TLR2: variants seen among roughly 807,000 people sequenced by gnomAD.
The protein encoded by TLR2 is toll-like receptor 2.
In TLR2, 7 loss-of-function variants were observed where a neutral mutation model predicts 9.1. That is an observed-to-expected ratio of 0.77 (90% CI 0.44 to 1.44). The LOEUF (loss-of-function observed/expected upper bound fraction) is 1.44, where lower values mean the gene tolerates loss of function less well. TLR2 is among the 40% of genes most tolerant of loss of function. TLR2 has a pLI of 0.01. For synonymous variants in TLR2, 317 were observed against 344.6 expected (o/e 0.92, Z 0.89); for missense variants, 812 against 904.6 (o/e 0.90, Z 1.31).
rs1560755431 is a variant in TLR2 at position 153,704,812 on chromosome 4, C to T, written c.1905C>T (p.Pro635=). 2 of 1,614,012 alleles carry T rather than the reference C, an allele frequency of 1.2e-6. No homozygotes were observed. Among genetic ancestry groups the T allele is most frequent in the Non-Finnish European group, 1.7e-6 (2 of 1,179,974 alleles). ...LQAKRKPRKA[P]SRNICYDAFV... Reference sequence around the variant, plus strand: ...CCAAAAGGAAGCCCAGGAAAGCTCCCAGCAGGAACATCTGCTATGATGCAT... The same window carrying T: ...CCAAAAGGAAGCCCAGGAAAGCTCCTAGCAGGAACATCTGCTATGATGCAT... The change falls in exon 3 of 3, where the codon CCC becomes CCT. Residue 635 remains proline (P), a synonymous_variant. Coordinates refer to ENST00000642700, the MANE Select transcript of TLR2 (RefSeq NM_001318789.2).
rs778888032 is a variant in TLR2 at position 153,704,073 on chromosome 4, T to C, written c.1166T>C (p.Leu389Pro). The C allele has an allele frequency of 8.7e-6, 14 of 1,614,166 alleles. No individual in the cohort carries two copies. The highest frequency in any genetic ancestry group is 1.2e-5 in the Non-Finnish European group (14 of 1,180,010). Reference protein sequence around the residue: ...NSACEDAWPSLQTLILRQNHL... With the variant: ...NSACEDAWPSPQTLILRQNHL... ...GCCTGTGAGGATGCCTGGCCCTCTC[T>C]ACAAACTTTAATTTTAAGGCAAAAT... The change falls in exon 3 of 3, where the codon CTA becomes CCA. Residue 389 changes from leucine (L) to proline (P), a missense_variant. By Grantham distance (98) the Leu-to-Pro change is moderately conservative (BLOSUM62 -3). Transcript: ENST00000642700.
At position 153,704,936 on chromosome 4, in the gene TLR2, C is replaced by T. The variant is rs121917864; in HGVS notation, c.2029C>T (p.Arg677Trp). Residue 677 changes from arginine (R) to tryptophan (W), a missense_variant, in exon 3 of 3, where the codon CGG becomes TGG. By Grantham distance (101) the Arg-to-Trp change is moderately radical (BLOSUM62 -3). Coordinates refer to ENST00000642700, the MANE Select transcript of TLR2 (RefSeq NM_001318789.2). ...CCCCTTCAAGTTGTGTCTTCATAAGCGGGACTTCATTCCTGGCAAGTGGAT... is the reference window on the plus strand; with the variant it reads ...CCCCTTCAAGTTGTGTCTTCATAAGTGGGACTTCATTCCTGGCAAGTGGAT... ...NPPFKLCLHK[R>W]DFIPGKWIID... 9.6e-5 allele frequency: 155 copies of T among 1,613,024 alleles called. No homozygotes were observed. Among genetic ancestry groups the T allele is most frequent in the Middle Eastern group, 1.9e-4 (1 of 5,210 alleles).
At chr4:153,701,165 A>T (rs532077651) in intron 2 of TLR2, among the ~76,000 whole-genome samples, 21 of 152,244 alleles carry the variant, frequency 1.4e-4, no homozygotes, top group African/African-American at 4.8e-4. Context: ...TCCAAAATTC[A>T]TATTGAAACT....
rs1188341075 is a variant in TLR2, at chr4:153,702,902, T to C, written c.-6T>C. On this transcript the variant is annotated 5_prime_UTR_variant, in exon 3 of 3. Coordinates refer to ENST00000642700, the MANE Select transcript of TLR2 (RefSeq NM_001318789.2). ...CTCTTTTATTTGTAGGTTGAAGCAC[T>C]GGACAATGCCACATACTTTGTGGAT... is the stretch of plus-strand genomic sequence containing the variant. The C allele has an allele frequency of 6.3e-7, 1 of 1,595,424 alleles. No individual in the cohort carries two copies. Among genetic ancestry groups the C allele is most frequent in the Non-Finnish European group, 8.5e-7 (1 of 1,169,898 alleles).
At chr4:153,698,242 C>A (rs1736642113) in intron 2 of TLR2, among the ~76,000 whole-genome samples, 2 of 152,190 alleles carry the variant, frequency 1.3e-5, no homozygotes, top group South Asian at 4.1e-4. Flanking sequence ...AACTGCCAAC[C>A]CAACATGAAG....
chr4:153,688,882 CTT>C (rs943285626), intron 2 of TLR2, among the ~76,000 whole-genome samples: 1 of 152,210 alleles, frequency 6.6e-6, no homozygotes, highest in Non-Finnish European at 1.5e-5. Context: ...ACATGTCCCC[CTT>C]TTTTGTTTTG....
intron 1 of TLR2, among the ~76,000 whole-genome samples, chr4:153,684,709 T>G (rs992630921): frequency 1.7e-4 from 26 of 152,260 alleles, no homozygotes; most frequent in African/African-American, 5.5e-4. Flanking sequence ...GGGCTGCGGC[T>G]GGGCTGAGCG....
intron 1 of TLR2, among the ~76,000 whole-genome samples, chr4:153,686,083 C>T (rs557381842): frequency 6.6e-6 from 1 of 152,308 alleles, no homozygotes; most frequent in South Asian, 2.1e-4. Context: ...CAATAAACTG[C>T]TCCCTTGGTG....
downstream of TLR2, among the ~76,000 whole-genome samples, chr4:153,706,939 G>T (rs1200057219): frequency 2.6e-5 from 4 of 152,200 alleles, no homozygotes; most frequent in Admixed American, 6.5e-5. Flanking sequence ...CTCTGGAGGG[G>T]TGTTGAGGGC....
chr4:153,699,609 G>T (rs1736742733), intron 2 of TLR2, among the ~76,000 whole-genome samples: 1 of 152,126 alleles, frequency 6.6e-6, no homozygotes, highest in Non-Finnish European at 1.5e-5. Context: ...ACTATCTGTT[G>T]GTTTGTAGTG....
chr4:153,698,110 T>C (rs1736631819), intron 2 of TLR2, among the ~76,000 whole-genome samples: 1 of 152,152 alleles, frequency 6.6e-6, no homozygotes, highest in Non-Finnish European at 1.5e-5. Flanking sequence ...TCGTAAAGTG[T>C]TCTTTTAAAA....
rs200441594 is a variant in TLR2 at position 153,704,047 on chromosome 4, A to G, written c.1140A>G (p.Ser380=). The G allele has an allele frequency of 1.3e-5, 21 of 1,614,158 alleles. No homozygotes were observed. The African/African-American group carries it at 2.5e-4, about 19-fold the overall frequency. Residue 380 remains serine, a synonymous_variant, in exon 3 of 3, where the codon TCA becomes TCG. Coordinates refer to ENST00000642700, the MANE Select transcript of TLR2 (RefSeq NM_001318789.2). The part of the protein sequence containing the change: ...NLMVEEYLKN[S]ACEDAWPSLQ... ...TGGTTGAAGAATACTTGAAAAATTC[A>G]GCCTGTGAGGATGCCTGGCCCTCTC...
At chr4:153,701,030 G>C (rs1736850649) in intron 2 of TLR2, among the ~76,000 whole-genome samples, 1 of 151,966 alleles carries the variant, frequency 6.6e-6, no homozygotes, top group African/African-American at 2.4e-5. Context: ...AAATAACAAA[G>C]AGAATATCTT....
chr4:153,689,808 G>A (rs1735977877), intron 2 of TLR2, among the ~76,000 whole-genome samples: 2 of 152,180 alleles, frequency 1.3e-5, no homozygotes, highest in African/African-American at 2.4e-5. Flanking sequence ...ATTACTCATT[G>A]TGACTGGTTG....
intron 2 of TLR2, among the ~76,000 whole-genome samples, chr4:153,689,237 A>G (rs1265864598): frequency 6.6e-6 from 1 of 152,204 alleles, no homozygotes; most frequent in East Asian, 1.9e-4. Flanking sequence ...TTTAAGAGCC[A>G]TTAATAGTTT....
rs142286429 is a variant in TLR2, at chr4:153,705,119, G to C, written c.2212G>C (p.Glu738Gln). 226 of 1,614,026 alleles carry C rather than the reference G, an allele frequency of 1.4e-4. No individual in the cohort carries two copies. In the African/African-American group the frequency reaches 2.7e-3, roughly 19 times the overall value. The change falls in exon 3 of 3, where the codon GAG becomes CAG. Residue 738 changes from glutamate (E) to glutamine (Q), a missense_variant. Physicochemically the swap from Glu to Gln is conservative, Grantham distance 29. Coordinates refer to ENST00000642700, the MANE Select transcript of TLR2 (RefSeq NM_001318789.2). The stretch of plus-strand genomic sequence containing the variant: ...TGATGCTGCCATTCTCATTCTTCTG[G>C]AGCCCATTGAGAAAAAAGCCATTCC... ...NNDAAILILL[E>Q]PIEKKAIPQR...
chr4:153,689,834 G>T (rs987667263), intron 2 of TLR2, among the ~76,000 whole-genome samples: 2 of 152,238 alleles, frequency 1.3e-5, no homozygotes, highest in Admixed American at 1.3e-4. Flanking sequence ...CTTTCCTCAG[G>T]TTTTCTTCCA....
chr4:153,686,864 A>G (rs1046190247), intron 1 of TLR2, among the ~76,000 whole-genome samples: 7 of 152,192 alleles, frequency 4.6e-5, no homozygotes, highest in Non-Finnish European at 7.4e-5. Flanking sequence ...TGTAGTTCAC[A>G]TAAGGAACCT....
At chr4:153,688,698 C>T (rs942683592) in intron 2 of TLR2, 15 of 159,560 alleles carry the variant, frequency 9.4e-5, no homozygotes, top group South Asian at 1.7e-4. Flanking sequence ...CTTAGGAACA[C>T]GTTAAGCGGT....
Sources: gnomAD v4.1 joint callset for allele counts (sites outside exome capture counted in the v4.1 genomes callset) on GRCh38, gnomAD v4.1.1 for gene constraint, MANE v1.5 for transcripts, NCBI Gene and HGNC (gene_info 2026-07-23, HGNC 2026-07-21) for gene names.